The following HS3ST5 variants were observed in gnomAD, a reference collection of about 807,000 sequenced individuals.
HS3ST5 encodes the protein heparan sulfate-glucosamine 3-sulfotransferase 5, also known as heparan sulfate glucosamine 3-O-sulfotransferase 5.
Under a neutral mutation model 25.4 loss-of-function variants are expected in HS3ST5, and 10 were observed. The ratio of observed to expected loss-of-function variants is 0.39; its 90% CI spans 0.24 to 0.67. The LOEUF (loss-of-function observed/expected upper bound fraction) is 0.67. Among genes scored for constraint, HS3ST5 ranks in the 30% least tolerant of loss-of-function variants. HS3ST5 has a pLI of 0.44. For missense variants in HS3ST5, 324 were observed against 420.7 expected (o/e 0.77, Z 2.01); for synonymous variants, 170 against 162.4 (o/e 1.05, Z -0.36).
At position 114,118,636 on chromosome 6, in the gene HS3ST5, G is replaced by C. The variant is rs866447310; in HGVS notation, c.-33+49715C>G. ...AATATGAGCTCCCACAGGTGGGACA[G>C]GCCTCATGACCAAAATGAATTGATA... On this transcript the variant is annotated intron_variant, in intron 3 of 4. Coordinates refer to ENST00000312719, the MANE Select transcript of HS3ST5 (RefSeq NM_153612.4). Among the ~76,000 whole-genome samples, 4 of 152,286 alleles carry C rather than the reference G, an allele frequency of 2.6e-5. No individual in the cohort carries two copies. In the East Asian group the frequency reaches 5.8e-4, roughly 22 times the overall value.
intron 1 of HS3ST5, among the ~76,000 whole-genome samples, chr6:114,276,631 C>CA (rs1184625873): frequency 6.8e-6 from 1 of 147,320 alleles, no homozygotes; most frequent in Non-Finnish European, 1.5e-5. Flanking sequence ...AACAAAAAAA[C>CA]AAAAAAACTC....
At chr6:114,282,344 C>A (rs898792782) in intron 1 of HS3ST5, among the ~76,000 whole-genome samples, 1 of 151,944 alleles carries the variant, frequency 6.6e-6, no homozygotes, top group Non-Finnish European at 1.5e-5. Flanking sequence ...TTGCCATATG[C>A]CAAGGGTTAG....
intron 3 of HS3ST5, among the ~76,000 whole-genome samples, chr6:114,121,080 A>T (rs181798685): frequency 5.9e-5 from 9 of 152,338 alleles, no homozygotes; most frequent in African/African-American, 2.2e-4. Context: ...TGTACATTTG[A>T]AAGGAAACAA....
chr6:114,100,475 A>G (rs554029186), intron 3 of HS3ST5, among the ~76,000 whole-genome samples: 122 of 152,286 alleles, frequency 8.0e-4, no homozygotes, highest in Admixed American at 1.4e-3. Flanking sequence ...ACACATTTTC[A>G]TTTACATCAG....
At position 114,280,030 on chromosome 6, in the gene HS3ST5, A is replaced by G. The variant is rs571784119; in HGVS notation, c.-338-51252T>C. Among the ~76,000 whole-genome samples the G allele has an allele frequency of 2.8e-3, 421 of 152,048 alleles. 2 individuals are homozygous for G. The highest frequency in any genetic ancestry group is 9.6e-3 in the African/African-American group (397 of 41,500). ...TACATGGTACTGGAACTAGGAAAGG[A>G]TACAGGAAGGGAGGCCAAGCCAGCC... On this transcript the variant is annotated intron_variant, in intron 1 of 4. Coordinates refer to ENST00000312719, the MANE Select transcript of HS3ST5 (RefSeq NM_153612.4).
intron 1 of HS3ST5, among the ~76,000 whole-genome samples, chr6:114,323,648 A>T (rs1776056150): frequency 6.6e-6 from 1 of 152,184 alleles, no homozygotes; most frequent in African/African-American, 2.4e-5. Context: ...CATATAATGC[A>T]TGTTACGGGT....
rs114738738 is a variant in HS3ST5, at chr6:114,150,280, T to C, written c.-33+18071A>G. 4.5e-3 allele frequency among the ~76,000 whole-genome samples: 692 copies of C among 152,308 alleles called. 4 individuals carry two copies. The highest frequency in any genetic ancestry group is 0.016 in the African/African-American group (670 of 41,538). On this transcript the variant is annotated intron_variant, in intron 3 of 4. Coordinates refer to ENST00000312719, the MANE Select transcript of HS3ST5 (RefSeq NM_153612.4). ...TATTCACACAGATCTAGATGTCACA[T>C]AGCCTACGTTCACACAACCGCTAAT...
At chr6:114,300,496 A>C (rs1183236614) in intron 1 of HS3ST5, among the ~76,000 whole-genome samples, 2 of 152,130 alleles carry the variant, frequency 1.3e-5, no homozygotes, top group Non-Finnish European at 2.9e-5. Context: ...AAAAAGACAG[A>C]CAATAATAAG....
intron 1 of HS3ST5, among the ~76,000 whole-genome samples, chr6:114,282,280 C>T (rs1774148524): frequency 6.6e-6 from 1 of 151,950 alleles, no homozygotes; most frequent in African/African-American, 2.4e-5. Flanking sequence ...GGCATCTTTG[C>T]ATCTTTGAAC....
At chr6:114,283,830 A>G (rs1774228306) in intron 1 of HS3ST5, among the ~76,000 whole-genome samples, 1 of 152,078 alleles carries the variant, frequency 6.6e-6, no homozygotes, top group Middle Eastern at 3.2e-3. Context: ...CAAAAAAATG[A>G]TACATTTGCA....
At chr6:114,161,323 A>G (rs1416000174) in intron 3 of HS3ST5, among the ~76,000 whole-genome samples, 2 of 151,128 alleles carry the variant, frequency 1.3e-5, no homozygotes, top group Admixed American at 6.7e-5. Context: ...ATTCCTCCTT[A>G]GGAAACAACT....
intron 1 of HS3ST5, among the ~76,000 whole-genome samples, chr6:114,320,155 A>G (rs983015232): frequency 1.3e-5 from 2 of 152,062 alleles, no homozygotes; most frequent in Non-Finnish European, 2.9e-5. Flanking sequence ...CTCTACATAC[A>G]TTATCTTTAA....
intron 1 of HS3ST5, chr6:114,231,533 C>T (rs1420984007): frequency 6.6e-6 from 1 of 152,134 alleles, no homozygotes; most frequent in Non-Finnish European, 1.5e-5. Context: ...AGGTCCTTAA[C>T]CTGGCATTTA....
chr6:114,104,960 A>G (rs1211418651), intron 3 of HS3ST5, among the ~76,000 whole-genome samples: 7 of 151,978 alleles, frequency 4.6e-5, no homozygotes, highest in Non-Finnish European at 1.0e-4. Context: ...ACTTTCAAAC[A>G]TCCACAGAAA....
At chr6:114,098,798 T>A (rs12207338) in intron 3 of HS3ST5, among the ~76,000 whole-genome samples, 21,380 of 151,894 alleles carry the variant, frequency 0.14, 1,549 homozygotes, top group Middle Eastern at 0.21. Flanking sequence ...GTGTAAAAAG[T>A]GATTAAATAA....
chr6:114,165,747 G>A (rs1005002275), intron 3 of HS3ST5, among the ~76,000 whole-genome samples: 12 of 152,100 alleles, frequency 7.9e-5, no homozygotes, highest in Non-Finnish European at 1.3e-4. Flanking sequence ...GACTTGCGCC[G>A]GAAATTCTTT....
intron 3 of HS3ST5, among the ~76,000 whole-genome samples, chr6:114,114,653 G>C (rs575995447): frequency 1.3e-5 from 2 of 151,942 alleles, no homozygotes; most frequent in Admixed American, 6.6e-5. Context: ...ATGTTTTTAT[G>C]ATTGGCACAA....
intron 1 of HS3ST5, among the ~76,000 whole-genome samples, chr6:114,235,049 G>A (rs927181988): frequency 6.6e-6 from 1 of 152,074 alleles, no homozygotes; most frequent in Admixed American, 6.6e-5. Context: ...CTTGAACCTG[G>A]GAGACGGAGG....
chr6:114,265,083 C>A (rs1773347257), intron 1 of HS3ST5, among the ~76,000 whole-genome samples: 1 of 152,008 alleles, frequency 6.6e-6, no homozygotes, highest in South Asian at 2.1e-4. Context: ...TGGGGTCTTG[C>A]TGTGTTGTCC....
Sources: gnomAD v4.1 joint callset for allele counts (sites outside exome capture counted in the v4.1 genomes callset) on GRCh38, gnomAD v4.1.1 for gene constraint, MANE v1.5 for transcripts, NCBI Gene and HGNC (gene_info 2026-07-23, HGNC 2026-07-21) for gene names.